The following CEP112 variants were observed in gnomAD, a reference collection of about 807,000 sequenced individuals.
The protein encoded by CEP112 is centrosomal protein 112.
Under a neutral mutation model 153.0 loss-of-function variants are expected in CEP112, and 127 were observed. That is an observed-to-expected ratio of 0.83 (90% CI 0.72 to 0.96). The LOEUF (loss-of-function observed/expected upper bound fraction) is 0.96. Ranked by LOEUF, CEP112 falls within the 40% of genes least tolerant of loss-of-function variation. The pLI, the probability that CEP112 is intolerant of heterozygous loss-of-function variation, is 0.00. For missense variants in CEP112, 1,089 were observed against 1,101.2 expected, an observed-to-expected ratio of 0.99 and a Z score of 0.16; for synonymous variants, 358 against 374.4, an observed-to-expected ratio of 0.96 and a Z score of 0.51.
chr17:66,064,171 C>T (rs115159290), intron 10 of CEP112, among the ~76,000 whole-genome samples: 5,839 of 152,182 alleles, frequency 0.038, 146 homozygotes, highest in South Asian at 0.065. Flanking sequence ...ACTATGTTCA[C>T]GGAGAAGAAA....
At chr17:65,942,695 C>T (rs1488291843) in intron 18 of CEP112, among the ~76,000 whole-genome samples, 1 of 152,168 alleles carries the variant, frequency 6.6e-6, no homozygotes, top group African/African-American at 2.4e-5. Flanking sequence ...ATGTCCAGCT[C>T]CATCTACAAA....
chr17:65,837,189 A>T (rs1432551744), intron 21 of CEP112, among the ~76,000 whole-genome samples: 2 of 152,068 alleles, frequency 1.3e-5, no homozygotes, highest in Admixed American at 6.5e-5. Flanking sequence ...TTGGCCTCCC[A>T]AAGTGCCAAG....
chr17:65,995,829 T>C (rs2063766050), intron 17 of CEP112, among the ~76,000 whole-genome samples: 1 of 152,142 alleles, frequency 6.6e-6, no homozygotes, highest in Non-Finnish European at 1.5e-5. Context: ...CCCCATACTG[T>C]TCTCGTGCAG....
chr17:65,856,747 A>G (rs149766553), intron 20 of CEP112, among the ~76,000 whole-genome samples: 12 of 152,304 alleles, frequency 7.9e-5, no homozygotes, highest in Admixed American at 2.6e-4. Context: ...ATGAGCAAAA[A>G]TGTTAGTTTT....
At chr17:65,914,093 C>A (rs933147763) in intron 19 of CEP112, among the ~76,000 whole-genome samples, 3 of 151,568 alleles carry the variant, frequency 2.0e-5, no homozygotes, top group African/African-American at 7.3e-5. Context: ...AGAAAATTAA[C>A]TAAATTTAAT....
At chr17:65,642,972 A>G (rs2045226759) in intron 24 of CEP112, among the ~76,000 whole-genome samples, 1 of 152,190 alleles carries the variant, frequency 6.6e-6, no homozygotes, top group Non-Finnish European at 1.5e-5. Context: ...CCCCACAGTA[A>G]AAATCTCATC....
intron 21 of CEP112, among the ~76,000 whole-genome samples, chr17:65,786,381 T>A (rs1441417518): frequency 6.6e-6 from 1 of 151,990 alleles, no homozygotes; most frequent in Non-Finnish European, 1.5e-5. Context: ...TTTTACTTCT[T>A]CCTTTCCGAT....
chr17:65,639,164 C>T (rs905650833), intron 25 of CEP112, among the ~76,000 whole-genome samples: 7 of 152,048 alleles, frequency 4.6e-5, no homozygotes, highest in Non-Finnish European at 7.4e-5. Context: ...ATTTCATTTT[C>T]AGATAAGAGA....
Position 65,798,827 on chromosome 17 carries a change from A to C in CEP112, c.2395-48103T>G, listed in dbSNP as rs190397070. ...TGTGACCATGGTTTTCAATCCACTA[A>C]AAAATTAAGAGCAAATAAAATTCTA... On this transcript the variant is annotated intron_variant, in intron 21 of 26. Transcript: ENST00000535342. Among the ~76,000 whole-genome samples the C allele has an allele frequency of 2.2e-4, 34 of 152,334 alleles. No homozygotes were observed. In the East Asian group the frequency reaches 6.4e-3, roughly 28 times the overall value.
At chr17:65,869,472 C>G (rs1479873532) in intron 20 of CEP112, among the ~76,000 whole-genome samples, 2 of 151,916 alleles carry the variant, frequency 1.3e-5, no homozygotes, top group Non-Finnish European at 2.9e-5. Flanking sequence ...GGAAGGAATT[C>G]TATACACAAG....
chr17:66,170,406 T>C (rs1162138704), intron 4 of CEP112, among the ~76,000 whole-genome samples: 1 of 152,228 alleles, frequency 6.6e-6, no homozygotes, highest in Non-Finnish European at 1.5e-5. Context: ...TATGGTCTCC[T>C]TAGTAACATT....
chr17:66,125,509 C>T lies in CEP112; in HGVS notation c.642+4237G>A, dbSNP rs774218761. 4.0e-4 allele frequency among the ~76,000 whole-genome samples: 61 copies of T among 151,942 alleles called. 1 individual carries two copies. The highest frequency in any genetic ancestry group is 7.1e-4 in the Non-Finnish European group (48 of 67,984). On this transcript the variant is annotated intron_variant, in intron 6 of 26. Coordinates refer to ENST00000535342, the MANE Select transcript of CEP112 (RefSeq NM_001199165.4). The stretch of plus-strand genomic sequence containing the variant: ...TTAGCCTTGGTGACAGAGCAAGACC[C>T]TGTCTCTAAAAAAAAGAAAAAATAA...
chr17:66,177,403 A>C (rs2072529328), intron 2 of CEP112, among the ~76,000 whole-genome samples: 1 of 152,246 alleles, frequency 6.6e-6, no homozygotes, highest in South Asian at 2.1e-4. Context: ...TCAAAAATAA[A>C]ATCTCTAGAT....
At chr17:66,097,158 A>G (rs1271179049) in intron 6 of CEP112, among the ~76,000 whole-genome samples, 1 of 152,182 alleles carries the variant, frequency 6.6e-6, no homozygotes, top group Non-Finnish European at 1.5e-5. Flanking sequence ...TTTCAGATTC[A>G]TCTATCTTCA....
chr17:66,004,123 T>C (rs552101961), intron 17 of CEP112, among the ~76,000 whole-genome samples: 1 of 152,090 alleles, frequency 6.6e-6, no homozygotes, highest in Admixed American at 6.5e-5. Context: ...ATGAAGAAAG[T>C]AGTTAATTAT....
chr17:66,088,146 C>A (rs536098065), intron 8 of CEP112, among the ~76,000 whole-genome samples: 1 of 152,048 alleles, frequency 6.6e-6, no homozygotes, highest in Non-Finnish European at 1.5e-5. Context: ...GCCAGACCAG[C>A]CCCTACAGAC....
chr17:66,081,423 T>C (rs1298577807), intron 8 of CEP112, among the ~76,000 whole-genome samples: 1 of 152,148 alleles, frequency 6.6e-6, no homozygotes, highest in African/African-American at 2.4e-5. Flanking sequence ...ATTATCTAAT[T>C]CTTGCCTGGG....
At chr17:66,050,892 C>T (rs527869766) in intron 12 of CEP112, among the ~76,000 whole-genome samples, 39 of 152,316 alleles carry the variant, frequency 2.6e-4, no homozygotes, top group Non-Finnish European at 4.7e-4. Context: ...TTCTCTTTGT[C>T]CATCAGGGCT....
intron 17 of CEP112, among the ~76,000 whole-genome samples, chr17:65,995,910 C>T (rs1193761615): frequency 6.6e-6 from 1 of 152,130 alleles, no homozygotes; most frequent in African/African-American, 2.4e-5. Flanking sequence ...TTCTCTCTTG[C>T]CTGCTGCCAT....
Sources: allele counts gnomAD v4.1 joint callset (sites outside exome capture counted in the v4.1 genomes callset), GRCh38; gene constraint gnomAD v4.1.1; transcripts MANE v1.5; gene names NCBI Gene and HGNC (gene_info 2026-07-23, HGNC 2026-07-21).